Variants in GPR176 observed in about 807,000 individuals in gnomAD.
GPR176 encodes the protein G-protein coupled receptor 176.
In GPR176, 26 loss-of-function variants were observed where a neutral mutation model predicts 35.4. That is an observed-to-expected ratio of 0.74 (90% confidence interval 0.54 to 1.02). The LOEUF is 1.02. Ranked by LOEUF, GPR176 falls within the 50% of genes least tolerant of loss-of-function variation. The pLI is 0.00. For missense variants in GPR176, 597 were observed against 665.3 expected, an observed-to-expected ratio of 0.90 and a Z score of 1.13; for synonymous variants, 278 against 271.3, an observed-to-expected ratio of 1.02 and a Z score of -0.24.
chr15:39,883,648 A>G (rs2032564920), intron 1 of GPR176, among the ~76,000 whole-genome samples: 1 of 152,182 alleles, frequency 6.6e-6, no homozygotes, highest in Non-Finnish European at 1.5e-5. Context: ...GCAGTTGCTA[A>G]AAGTCTGAGA....
intron 1 of GPR176, among the ~76,000 whole-genome samples, chr15:39,848,694 C>T (rs1442236707): frequency 1.3e-5 from 2 of 151,856 alleles, no homozygotes; most frequent in Non-Finnish European, 2.9e-5. Flanking sequence ...GAAAGCTAAA[C>T]AACATATTTC....
intron 1 of GPR176, among the ~76,000 whole-genome samples, chr15:39,849,466 G>C (rs184538056): frequency 6.6e-6 from 1 of 151,768 alleles, no homozygotes; most frequent in Non-Finnish European, 1.5e-5. Context: ...CAAAATCAAA[G>C]AAAGTACAAA....
At position 39,801,817 on chromosome 15, in the gene GPR176, T is replaced by C. The variant is rs1898888520; in HGVS notation, c.863A>G (p.Tyr288Cys). ...CSVPYATLVV[Y>C]QTVLNVPDTS... Reference sequence around the variant, plus strand: ...GTCAGGGACATTGAGCACAGTCTGGTAGACGACCAGGGTGGCATAGGGCAC... The same window carrying C: ...GTCAGGGACATTGAGCACAGTCTGGCAGACGACCAGGGTGGCATAGGGCAC... The change falls in exon 3 of 3, where the codon TAC becomes TGC. Residue 288 changes from tyrosine to cysteine, a missense_variant. Physicochemically the swap from Tyr to Cys is radical, Grantham distance 194. Coordinates refer to ENST00000561100, the MANE Select transcript of GPR176 (RefSeq NM_007223.3). The C allele has an allele frequency of 6.2e-7, 1 of 1,613,890 alleles. No individual in the cohort carries two copies. Among genetic ancestry groups the C allele is most frequent in the Non-Finnish European group, 8.5e-7 (1 of 1,179,824 alleles).
At chr15:39,858,185 G>A (rs916037763) in intron 1 of GPR176, among the ~76,000 whole-genome samples, 4 of 152,104 alleles carry the variant, frequency 2.6e-5, no homozygotes, top group Middle Eastern at 3.4e-3. Context: ...CTAGAAAAAC[G>A]GTGCTTACTG....
Position 39,801,299 on chromosome 15 carries a change from G to A in GPR176, c.1381C>T (p.Pro461Ser). ...CGGGTCTCTGAGAGCCACTGAGGAG[G>A]CAACTCAAAAGGCCCAAAGCCAAAC... ...LQFGFGPFEL[P>S]PQWLSETRNS... The change falls in exon 3 of 3, where the codon CCT becomes TCT. Residue 461 changes from proline (P) to serine (S), a missense_variant. Pro to Ser is a moderately conservative substitution (Grantham distance 74). Transcript: ENST00000561100. The A allele has an allele frequency of 6.2e-7, 1 of 1,614,138 alleles. No homozygotes were observed. The highest frequency in any genetic ancestry group is 8.5e-7 in the Non-Finnish European group (1 of 1,179,984).
At chr15:39,824,277 C>T (rs1431862732) in intron 1 of GPR176, among the ~76,000 whole-genome samples, 2 of 152,208 alleles carry the variant, frequency 1.3e-5, no homozygotes, top group Non-Finnish European at 2.9e-5. Context: ...CCAAATAAAC[C>T]TCTTTTCTTT....
intron 1 of GPR176, among the ~76,000 whole-genome samples, chr15:39,820,048 C>A (rs764046027): frequency 7.9e-5 from 12 of 152,182 alleles, no homozygotes; most frequent in Non-Finnish European, 1.8e-4. Context: ...CATTCCAATT[C>A]TTCTAACAGA....
intron 1 of GPR176, among the ~76,000 whole-genome samples, chr15:39,864,561 T>C (rs2031747328): frequency 6.6e-6 from 1 of 151,862 alleles, no homozygotes; most frequent in South Asian, 2.1e-4. Flanking sequence ...ACCTAGGAAA[T>C]GGGAACAGAT....
intron 1 of GPR176, among the ~76,000 whole-genome samples, chr15:39,884,006 C>T (rs1232886123): frequency 6.6e-6 from 1 of 152,158 alleles, no homozygotes; most frequent in Non-Finnish European, 1.5e-5. Context: ...GGATGTGATC[C>T]TGGACCAACA....
chr15:39,854,804 C>T (rs888855795), intron 1 of GPR176, among the ~76,000 whole-genome samples: 2 of 151,986 alleles, frequency 1.3e-5, no homozygotes, highest in South Asian at 4.2e-4. Context: ...TGGGAGCCTG[C>T]GGTGGGAGGA....
intron 1 of GPR176, chr15:39,828,971 T>G (rs766159003): frequency 1.5e-6 from 1 of 664,842 alleles, no homozygotes; most frequent in Non-Finnish European, 2.7e-6. Flanking sequence ...TAGTGAATAC[T>G]TATTGTCTAA....
At chr15:39,854,867 C>G (rs970678849) in intron 1 of GPR176, among the ~76,000 whole-genome samples, 1 of 151,852 alleles carries the variant, frequency 6.6e-6, no homozygotes, top group East Asian at 1.9e-4. Context: ...TAAGACATCC[C>G]CCCACCACAC....
chr15:39,805,502 G>C (rs920581453), intron 2 of GPR176, among the ~76,000 whole-genome samples: 6 of 151,818 alleles, frequency 4.0e-5, no homozygotes, highest in African/African-American at 1.5e-4. Context: ...CCTGCCCACC[G>C]AGTCTAGATT....
intron 1 of GPR176, among the ~76,000 whole-genome samples, chr15:39,914,290 C>A (rs2033664791): frequency 6.7e-6 from 1 of 148,364 alleles, no homozygotes. Context: ...CCTTAGGCAT[C>A]AATTCAGGAT....
At chr15:39,832,413 A>G (rs1245094996) in intron 1 of GPR176, among the ~76,000 whole-genome samples, 1 of 152,116 alleles carries the variant, frequency 6.6e-6, no homozygotes, top group Non-Finnish European at 1.5e-5. Context: ...AAAACAACAC[A>G]AAATTATTAT....
intron 1 of GPR176, among the ~76,000 whole-genome samples, chr15:39,880,639 A>C (rs1405540389): frequency 6.6e-6 from 1 of 151,776 alleles, no homozygotes; most frequent in Non-Finnish European, 1.5e-5. Context: ...GCTTCTCCTA[A>C]ACTCAATCTC....
At chr15:39,903,751 A>C (rs1329316074) in intron 1 of GPR176, among the ~76,000 whole-genome samples, 1 of 152,150 alleles carries the variant, frequency 6.6e-6, no homozygotes, top group Admixed American at 6.6e-5. Context: ...AAGTAGGGGG[A>C]AAAATGCTTC....
At chr15:39,818,356 G>C (rs963811921) in intron 1 of GPR176, among the ~76,000 whole-genome samples, 1 of 152,174 alleles carries the variant, frequency 6.6e-6, no homozygotes, top group African/African-American at 2.4e-5. Flanking sequence ...ACAGGAAGAA[G>C]CTATGTAGTA....
intron 1 of GPR176, among the ~76,000 whole-genome samples, chr15:39,891,250 A>G (rs1426620365): frequency 1.3e-5 from 2 of 152,226 alleles, no homozygotes; most frequent in African/African-American, 2.4e-5. Context: ...AATAAAACAA[A>G]AAGTATAATT....
Sources: gnomAD v4.1 joint callset for allele counts (sites outside exome capture counted in the v4.1 genomes callset) on GRCh38, gnomAD v4.1.1 for gene constraint, MANE v1.5 for transcripts, NCBI Gene and HGNC (gene_info 2026-07-23, HGNC 2026-07-21) for gene names.